Variants in SLC38A6 observed in about 807,000 individuals in gnomAD.
The protein encoded by SLC38A6 is N system amino acid transporter NAT-1.
SLC38A6 carries 73 observed loss-of-function variants against 65.0 expected under a neutral mutation model. The observed-to-expected ratio is 1.12, with a 90% CI of 0.93 to 1.37. SLC38A6 has a LOEUF of 1.37. Ranked by LOEUF, SLC38A6 falls within the 40% of genes most tolerant of loss-of-function variation. The pLI is 0.00. For synonymous variants in SLC38A6, 183 were observed against 178.8 expected (o/e 1.02, Z -0.19); for missense variants, 561 against 531.1 (o/e 1.06, Z -0.55).
At chr14:61,014,346 G>T (rs920666476) in intron 3 of SLC38A6, among the ~76,000 whole-genome samples, 1 of 152,026 alleles carries the variant, frequency 6.6e-6, no homozygotes, top group Non-Finnish European at 1.5e-5. Context: ...CCTTTAGCTT[G>T]GAGTAGTTTG....
At chr14:61,052,303 T>A in intron 15 of SLC38A6, 46 bp from the exon 16 acceptor site, 1 of 1,459,456 alleles carries the variant, frequency 6.9e-7, no homozygotes, top group Non-Finnish European at 9.2e-7. Context: ...TTTTATCTTT[T>A]TTCTTTTATC....
chr14:61,033,537 C>T (rs954932220), intron 6 of SLC38A6, among the ~76,000 whole-genome samples: 5 of 152,044 alleles, frequency 3.3e-5, no homozygotes, highest in Non-Finnish European at 4.4e-5. Context: ...AAAGTTAGTA[C>T]ATTCTTCTGA....
At chr14:60,988,168 A>G (rs1011862190) in intron 3 of SLC38A6, among the ~76,000 whole-genome samples, 3 of 152,122 alleles carry the variant, frequency 2.0e-5, no homozygotes, top group Admixed American at 6.5e-5. Context: ...AGTTCTCTCA[A>G]GTGGTCAGTC....
chr14:61,050,684 T>C, intron 13 of SLC38A6, 48 bp downstream of exon 13: 1 of 1,404,372 alleles, frequency 7.1e-7, no homozygotes, highest in Non-Finnish European at 9.4e-7. Flanking sequence ...CGCTTCCTAA[T>C]AGGGAAACAC....
At chr14:61,033,229 A>G (rs1251964410) in intron 6 of SLC38A6, among the ~76,000 whole-genome samples, 2 of 152,008 alleles carry the variant, frequency 1.3e-5, no homozygotes, top group Non-Finnish European at 2.9e-5. Context: ...CTCTTGTTCC[A>G]TTCCTTTCGA....
chr14:61,065,920 A>G (rs2043004656), intron 15 of SLC38A6, among the ~76,000 whole-genome samples: 2 of 152,220 alleles, frequency 1.3e-5, no homozygotes, highest in Non-Finnish European at 1.5e-5. Flanking sequence ...GACACTGCCA[A>G]TACAGTATAT....
chr14:60,990,343 C>T (rs185974320), intron 3 of SLC38A6, among the ~76,000 whole-genome samples: 34 of 152,190 alleles, frequency 2.2e-4, no homozygotes, highest in African/African-American at 8.2e-4. Flanking sequence ...CACTCATTAT[C>T]GGGCTCATGG....
rs141489194 is a variant in SLC38A6 at position 61,015,938 on chromosome 14, A to C, written c.345A>C (p.Ala115=). The part of the protein sequence containing the change: ...VTSYEDLGLF[A]FGLPGKLVVA... ...CTTATGAAGATCTTGGACTCTTTGC[A>C]TTTGGATTACCTGGAAAGGTAATTT... The change falls in exon 4 of 16, where the codon GCA becomes GCC. Residue 115 remains alanine (A), a synonymous_variant. Transcript: ENST00000267488. The C allele has an allele frequency of 2.3e-4, 371 of 1,607,786 alleles. 1 individual carries two copies. The highest frequency in any genetic ancestry group is 3.3e-4 in the Middle Eastern group (2 of 6,050).
chr14:61,080,593 G>A (rs573057669), intron 16 of SLC38A6, among the ~76,000 whole-genome samples: 33 of 152,318 alleles, frequency 2.2e-4, no homozygotes, highest in Admixed American at 7.2e-4. Flanking sequence ...GAAGCAAGTC[G>A]AAGTGGTTTG....
intron 3 of SLC38A6, among the ~76,000 whole-genome samples, chr14:61,003,194 T>C (rs943405406): frequency 6.6e-6 from 1 of 152,100 alleles, no homozygotes; most frequent in Middle Eastern, 3.2e-3. Context: ...ATATTCATTA[T>C]AGACTATTGG....
At chr14:61,033,191 G>A (rs749324464) in intron 6 of SLC38A6, among the ~76,000 whole-genome samples, 14 of 151,916 alleles carry the variant, frequency 9.2e-5, no homozygotes, top group Admixed American at 7.2e-4. Flanking sequence ...TGGGATGTGA[G>A]TAAGATCCTA....
chr14:60,988,438 G>C (rs1452787054), intron 3 of SLC38A6, among the ~76,000 whole-genome samples: 1 of 152,024 alleles, frequency 6.6e-6, no homozygotes, highest in Non-Finnish European at 1.5e-5. Context: ...TATAATTCTG[G>C]ATGATTTCAA....
At chr14:60,984,335 AAG>A (rs2037294366) in intron 2 of SLC38A6, among the ~76,000 whole-genome samples, 1 of 152,214 alleles carries the variant, frequency 6.6e-6, no homozygotes, top group South Asian at 2.1e-4. Context: ...GGAAGGGAAA[AAG>A]AGAAGACAAT....
chr14:61,002,782 A>G (rs1396366333), intron 3 of SLC38A6, among the ~76,000 whole-genome samples: 3 of 152,198 alleles, frequency 2.0e-5, no homozygotes, highest in Non-Finnish European at 4.4e-5. Context: ...TTTAATATCA[A>G]AAAAAGTTTC....
rs111589991 is a variant in SLC38A6, at chr14:60,996,635, C to T, written c.310+11832C>T. On this transcript the variant is annotated intron_variant, in intron 3 of 15. Transcript: ENST00000267488. ...GTTTCAAGATTAAAAGTTTTCCTCC[C>T]GGTATCCAGTATAATACTTGTAAGA... 8.6e-3 allele frequency among the ~76,000 whole-genome samples: 1,304 copies of T among 152,094 alleles called. 22 individuals carry two copies. Among genetic ancestry groups the T allele is most frequent in the African/African-American group, 0.03 (1,224 of 41,488 alleles).
chr14:61,013,038 T>G (rs1160695926), intron 3 of SLC38A6, among the ~76,000 whole-genome samples: 1 of 152,338 alleles, frequency 6.6e-6, no homozygotes, highest in Middle Eastern at 3.4e-3. Context: ...TGTAGGTCTC[T>G]AAGGACTTGC....
intron 3 of SLC38A6, among the ~76,000 whole-genome samples, chr14:61,013,225 T>C (rs1316662792): frequency 6.6e-6 from 1 of 152,230 alleles, no homozygotes; most frequent in East Asian, 1.9e-4. Context: ...TTTTTTGTTT[T>C]CCGTTTGCTT....
intron 7 of SLC38A6, 150 bp downstream of exon 7, chr14:61,037,291 AT>A: frequency 3.2e-6 from 2 of 632,606 alleles, no homozygotes; most frequent in South Asian, 2.1e-5. Context: ...ACTTGGCCTT[AT>A]TTTAGGTTGT....
chr14:61,072,063 T>C (rs962520653), intron 15 of SLC38A6, among the ~76,000 whole-genome samples: 2 of 152,168 alleles, frequency 1.3e-5, no homozygotes, highest in African/African-American at 2.4e-5. Flanking sequence ...AAATCCAATA[T>C]CAAGGTACCA....
Sources: gnomAD v4.1 joint callset for allele counts (sites outside exome capture counted in the v4.1 genomes callset) on GRCh38, gnomAD v4.1.1 for gene constraint, MANE v1.5 for transcripts, NCBI Gene and HGNC (gene_info 2026-07-23, HGNC 2026-07-21) for gene names.